The following PLCB1 variants were observed in gnomAD, a reference collection of about 807,000 sequenced individuals.
The protein encoded by PLCB1 is phospholipase C beta 1, also known as 1-phosphatidylinositol 4,5-bisphosphate phosphodiesterase beta-1.
In PLCB1, 46 loss-of-function variants were observed where a neutral mutation model predicts 161.8. The ratio of observed to expected loss-of-function variants is 0.28; its 90% confidence interval spans 0.22 to 0.36. The LOEUF is 0.36. Ranked by LOEUF, PLCB1 falls within the 10% of genes least tolerant of loss-of-function variation. The pLI is 1.00. For missense variants in PLCB1, 1,016 were observed against 1,472.5 expected (o/e 0.69, Z 5.07); for synonymous variants, 517 against 503.7 (o/e 1.03, Z -0.35).
At chr20:8,592,213 A>G (rs968780603) in intron 3 of PLCB1, among the ~76,000 whole-genome samples, 31 of 152,236 alleles carry the variant, frequency 2.0e-4, no homozygotes, top group African/African-American at 7.2e-4. Flanking sequence ...CTGATGAGCA[A>G]TCATCTTCTT....
chr20:8,221,980 TA>T (rs1300391798), intron 2 of PLCB1, among the ~76,000 whole-genome samples: 2 of 152,194 alleles, frequency 1.3e-5, no homozygotes, highest in Admixed American at 6.5e-5. Context: ...AAAACAGCTT[TA>T]ATACTATATC....
At chr20:8,690,692 C>A (rs186016342) in intron 10 of PLCB1, among the ~76,000 whole-genome samples, 1 of 152,280 alleles carries the variant, frequency 6.6e-6, no homozygotes, top group East Asian at 1.9e-4. Context: ...ACCATAATTC[C>A]AACCTTGTGG....
intron 2 of PLCB1, among the ~76,000 whole-genome samples, chr20:8,295,242 T>C (rs1403109148): frequency 6.6e-6 from 1 of 152,146 alleles, no homozygotes; most frequent in African/African-American, 2.4e-5. Flanking sequence ...ATGTTTTAAA[T>C]TGGGAGGTAG....
chr20:8,750,071 CATT>C (rs1460496559), intron 23 of PLCB1, among the ~76,000 whole-genome samples: 1 of 151,978 alleles, frequency 6.6e-6, no homozygotes, highest in Non-Finnish European at 1.5e-5. Context: ...AAGAGAGTGA[CATT>C]ATAAAATTTA....
Position 8,685,092 on chromosome 20 carries a change from A to G in PLCB1, c.1009+14A>G, listed in dbSNP as rs781080150. On this transcript the variant is annotated intron_variant, in intron 10 of 31. Transcript: ENST00000338037. ...CCTACCTCACAGGTATGAATTTTCTAGTTCTTTGTTACTTTAGCCAGTCTC... is the reference window on the plus strand; with the variant it reads ...CCTACCTCACAGGTATGAATTTTCTGGTTCTTTGTTACTTTAGCCAGTCTC... 7 of 1,611,520 alleles carry G rather than the reference A, an allele frequency of 4.3e-6. No homozygotes were observed. The South Asian group carries it at 7.7e-5, about 18-fold the overall frequency.
At chr20:8,419,585 C>G (rs1979449733) in intron 3 of PLCB1, among the ~76,000 whole-genome samples, 1 of 152,132 alleles carries the variant, frequency 6.6e-6, no homozygotes, top group African/African-American at 2.4e-5. Flanking sequence ...TTAGATAATT[C>G]TCCCCAACTG....
intron 31 of PLCB1, among the ~76,000 whole-genome samples, chr20:8,865,690 G>A (rs6140780): frequency 0.28 from 42,658 of 152,046 alleles, 7,310 homozygotes; most frequent in East Asian, 0.65. Flanking sequence ...TTGCTGGAAA[G>A]GGGAAAGAAA....
chr20:8,526,331 T>C lies in PLCB1; in HGVS notation c.247-101963T>C, dbSNP rs555030221. ...TTGATGATGATGTTTCTTTGATGTA[T>C]GCATTTTTATCAAATATATCTAATT... On this transcript the variant is annotated intron_variant, in intron 3 of 31. Coordinates refer to ENST00000338037, the MANE Select transcript of PLCB1 (RefSeq NM_015192.4). Among the ~76,000 whole-genome samples the C allele has an allele frequency of 2.2e-3, 332 of 152,294 alleles. 2 individuals are homozygous for C. Among genetic ancestry groups the C allele is most frequent in the Non-Finnish European group, 3.9e-3 (264 of 68,016 alleles).
chr20:8,264,755 A>G (rs1981870732), intron 2 of PLCB1, among the ~76,000 whole-genome samples: 1 of 152,052 alleles, frequency 6.6e-6, no homozygotes. Context: ...ACATATGTTC[A>G]TCTCTTATGC....
intron 2 of PLCB1, among the ~76,000 whole-genome samples, chr20:8,344,000 T>A (rs1568639803): frequency 1.3e-5 from 2 of 152,208 alleles, no homozygotes; most frequent in Admixed American, 1.3e-4. Flanking sequence ...AAGTGGCTAG[T>A]GTCCAGCCAG....
At chr20:8,818,577 A>T (rs1355866954) in intron 31 of PLCB1, among the ~76,000 whole-genome samples, 2 of 152,244 alleles carry the variant, frequency 1.3e-5, no homozygotes, top group South Asian at 4.1e-4. Context: ...CTGAATATAA[A>T]ATTAATTTAT....
intron 25 of PLCB1, among the ~76,000 whole-genome samples, chr20:8,763,378 TTTTA>T (rs535363380): frequency 2.0e-5 from 3 of 151,676 alleles, no homozygotes; most frequent in East Asian, 2.0e-4. Flanking sequence ...ATTTTTGCAT[TTTTA>T]TTTATTTATT....
At chr20:8,555,218 A>G (rs1293227870) in intron 3 of PLCB1, among the ~76,000 whole-genome samples, 2 of 152,000 alleles carry the variant, frequency 1.3e-5, no homozygotes, top group Non-Finnish European at 2.9e-5. Context: ...TGCTGACTTC[A>G]CCACCAACCC....
intron 31 of PLCB1, among the ~76,000 whole-genome samples, chr20:8,831,900 CTCTCTTTCTTTCTCTT>C (rs1985999918): frequency 1.5e-5 from 2 of 129,332 alleles, no homozygotes; most frequent in South Asian, 2.4e-4. Flanking sequence ...TTCTTTCTCC[CTCTCTTTCTTTCTCTT>C]TCTTTCTTTC....
At chr20:8,377,225 G>A (rs1018534411) in intron 3 of PLCB1, among the ~76,000 whole-genome samples, 1 of 152,136 alleles carries the variant, frequency 6.6e-6, no homozygotes, top group Non-Finnish European at 1.5e-5. Flanking sequence ...GCCATAGTGG[G>A]GAAAGGTGTC....
chr20:8,251,233 T>C (rs2123223271), intron 2 of PLCB1, among the ~76,000 whole-genome samples: 1 of 152,102 alleles, frequency 6.6e-6, no homozygotes, highest in African/African-American at 2.4e-5. Flanking sequence ...CCAAAGGCCC[T>C]ACCTCTTAAT....
intron 2 of PLCB1, among the ~76,000 whole-genome samples, chr20:8,320,413 A>T (rs1038409144): frequency 1.3e-5 from 2 of 152,182 alleles, no homozygotes; most frequent in African/African-American, 4.8e-5. Context: ...TATTTTGGAG[A>T]TGAGGAAATT....
chr20:8,878,952 C>G lies in PLCB1; in HGVS notation c.3424-2670C>G, dbSNP rs191343386. Among the ~76,000 whole-genome samples, 3 of 151,948 alleles carry G rather than the reference C, an allele frequency of 2.0e-5. No homozygotes were observed. In the East Asian group the frequency reaches 5.8e-4, roughly 30 times the overall value. On this transcript the variant is annotated intron_variant, in intron 31 of 31. Transcript: ENST00000338037. ...CAGCAATTAGTTTTTCAAGGCTTGC[C>G]CCCGACTCCCTCCCCCACTTTATTA... is the stretch of plus-strand genomic sequence containing the variant.
chr20:8,842,872 G>A (rs1368216094), intron 31 of PLCB1, among the ~76,000 whole-genome samples: 1 of 152,168 alleles, frequency 6.6e-6, no homozygotes, highest in Non-Finnish European at 1.5e-5. Flanking sequence ...GCGGTGCTGG[G>A]CTATCTGCCT....
Sources: gnomAD v4.1 joint callset for allele counts (sites outside exome capture counted in the v4.1 genomes callset) on GRCh38, gnomAD v4.1.1 for gene constraint, MANE v1.5 for transcripts, NCBI Gene and HGNC (gene_info 2026-07-23, HGNC 2026-07-21) for gene names.